The following PCDHA8 variants were observed in gnomAD, a reference collection of about 807,000 sequenced individuals.
PCDHA8 encodes the protein protocadherin alpha-8.
A neutral mutation model predicts 61.8 loss-of-function variants in PCDHA8; 53 were observed. The observed-to-expected ratio is 0.86, with a 90% confidence interval of 0.69 to 1.08. PCDHA8 has a LOEUF of 1.08. Ranked by LOEUF, PCDHA8 falls within the 50% of genes least tolerant of loss-of-function variation. PCDHA8 has a pLI of 0.00. For synonymous variants in PCDHA8, 618 were observed against 556.6 expected, an observed-to-expected ratio of 1.11 and a Z score of -1.55; for missense variants, 1,293 against 1,245.0, an observed-to-expected ratio of 1.04 and a Z score of -0.58.
chr5:140,860,471 C>T (rs566732753), intron 1 of PCDHA8: 1 of 152,040 alleles, frequency 6.6e-6, no homozygotes, highest in Admixed American at 6.6e-5. Context: ...ACAGTTGGTG[C>T]AGTAGTACTT....
intron 3 of PCDHA8, among the ~76,000 whole-genome samples, chr5:140,983,358 T>C (rs1374842008): frequency 6.6e-6 from 1 of 152,224 alleles, no homozygotes; most frequent in Non-Finnish European, 1.5e-5. Context: ...GTAATAGAAA[T>C]ATGGCTTTGG....
intron 1 of PCDHA8, among the ~76,000 whole-genome samples, chr5:140,900,589 C>T (rs782244593): frequency 1.5e-4 from 23 of 152,164 alleles, no homozygotes; most frequent in South Asian, 1.2e-3. Flanking sequence ...TTTCTTTACC[C>T]GTTCATCTGA....
Position 140,843,540 on chromosome 5 carries a change from T to C in PCDHA8, c.2219T>C (p.Val740Ala). The C allele has an allele frequency of 6.3e-7, 1 of 1,595,966 alleles. No homozygotes were observed. The highest frequency in any genetic ancestry group is 8.6e-7 in the Non-Finnish European group (1 of 1,165,522). The change falls in exon 1 of 4, where the codon GTG becomes GCG. Residue 740 changes from valine to alanine, a missense_variant. Transcript: ENST00000531613. Reference sequence around the variant, plus strand: ...TGCCGGGCGGGCAAGCCCACTCTGGTGTGCTCCAGTGCGGTGGGGAGCTGG... The same window carrying C: ...TGCCGGGCGGGCAAGCCCACTCTGGCGTGCTCCAGTGCGGTGGGGAGCTGG... ...GGCRAGKPTL[V>A]CSSAVGSWSY...
At chr5:140,862,980 C>T in intron 1 of PCDHA8, 1 of 545,508 alleles carries the variant, frequency 1.8e-6, no homozygotes, top group South Asian at 1.4e-5. Flanking sequence ...CACTTGGTGG[C>T]GAAGGTGCGC....
chr5:140,896,764 G>C (rs2153454405), intron 1 of PCDHA8, among the ~76,000 whole-genome samples: 1 of 152,136 alleles, frequency 6.6e-6, no homozygotes, highest in East Asian at 1.9e-4. Context: ...GACCTTTGTT[G>C]GATGCATAGT....
At chr5:140,928,139 C>T in intron 1 of PCDHA8, 2 of 1,614,174 alleles carry the variant, frequency 1.2e-6, no homozygotes, top group Non-Finnish European at 8.5e-7. Flanking sequence ...GTCCTGATCA[C>T]GGCCTCAGAT....
At chr5:140,906,589 C>T (rs2072764004) in intron 1 of PCDHA8, among the ~76,000 whole-genome samples, 1 of 152,220 alleles carries the variant, frequency 6.6e-6, no homozygotes, top group South Asian at 2.1e-4. Context: ...TGACTACCTT[C>T]CTCTACTACT....
intron 1 of PCDHA8, among the ~76,000 whole-genome samples, chr5:140,878,476 A>G (rs1037108551): frequency 6.6e-6 from 1 of 152,204 alleles, no homozygotes; most frequent in Admixed American, 6.5e-5. Flanking sequence ...TCATTTCTCA[A>G]TTTAAAAATA....
intron 1 of PCDHA8, chr5:140,866,939 C>A (rs2049664187): frequency 6.6e-6 from 1 of 152,126 alleles, no homozygotes; most frequent in Admixed American, 6.6e-5. Context: ...ATAATCTCTT[C>A]ACTAGGGGCT....
At chr5:140,920,812 C>T (rs575249440) in intron 1 of PCDHA8, among the ~76,000 whole-genome samples, 126 of 151,392 alleles carry the variant, frequency 8.3e-4, no homozygotes, top group Admixed American at 2.4e-3. Flanking sequence ...CCACTGCACT[C>T]CAGCCTGGCG....
At chr5:140,965,903 A>T (rs73793545) in intron 1 of PCDHA8, among the ~76,000 whole-genome samples, 2,475 of 152,308 alleles carry the variant, frequency 0.016, 63 homozygotes, top group African/African-American at 0.056. Context: ...CTTGGATCCC[A>T]GGATGCTGGT....
intron 1 of PCDHA8, among the ~76,000 whole-genome samples, chr5:140,932,112 T>C (rs1211067626): frequency 6.6e-6 from 1 of 151,944 alleles, no homozygotes; most frequent in African/African-American, 2.4e-5. Flanking sequence ...GTATTTCCAA[T>C]TGATAATATT....
intron 1 of PCDHA8, chr5:140,875,494 G>A (rs1178647780): frequency 6.2e-7 from 1 of 1,613,020 alleles, no homozygotes; most frequent in Non-Finnish European, 8.5e-7. Context: ...CGGACCAAGA[G>A]GCCCGGGATC....
chr5:140,972,893 A>T (rs1452751778), intron 1 of PCDHA8, among the ~76,000 whole-genome samples: 1 of 151,858 alleles, frequency 6.6e-6, no homozygotes, highest in African/African-American at 2.4e-5. Context: ...CGATCTCTTG[A>T]CCTTGTGATC....
intron 1 of PCDHA8, among the ~76,000 whole-genome samples, chr5:140,946,628 A>ATATATATATATATATATATATATATATC (rs2093986423): frequency 7.4e-6 from 1 of 134,528 alleles, no homozygotes; most frequent in Non-Finnish European, 1.6e-5. Context: ...ATATATATAT[A>ATATATATATATATATATATATATATATC]TATACAATGG....
intron 1 of PCDHA8, chr5:140,882,248 CTG>C (rs1554173227): frequency 1.3e-6 from 2 of 1,594,792 alleles, no homozygotes; most frequent in Non-Finnish European, 1.7e-6. Context: ...GCAGATAGCT[CTG>C]AGGTTTTTGG....
At chr5:140,890,507 C>G (rs2153430728) in intron 1 of PCDHA8, among the ~76,000 whole-genome samples, 1 of 152,146 alleles carries the variant, frequency 6.6e-6, no homozygotes, top group African/African-American at 2.4e-5. Context: ...TTTTATGTCT[C>G]TATTTCCTTC....
intron 1 of PCDHA8, chr5:140,966,581 G>A: frequency 1.9e-6 from 1 of 535,414 alleles, no homozygotes; most frequent in Non-Finnish European, 3.0e-6. Flanking sequence ...AGTCAGCGAG[G>A]ACGGTGGGGC....
At chr5:140,967,409 C>T (rs1451311967) in intron 1 of PCDHA8, 9 of 1,613,130 alleles carry the variant, frequency 5.6e-6, no homozygotes, top group Non-Finnish European at 7.6e-6. Flanking sequence ...GCGTAAGGGC[C>T]TAGACCGGGA....
Sources: allele counts gnomAD v4.1 joint callset (sites outside exome capture counted in the v4.1 genomes callset), GRCh38; gene constraint gnomAD v4.1.1; transcripts MANE v1.5; gene names NCBI Gene and HGNC (gene_info 2026-07-23, HGNC 2026-07-21).